Variants in PTPRD observed in about 807,000 individuals in gnomAD.
The protein encoded by PTPRD is receptor-type tyrosine-protein phosphatase delta.
PTPRD carries 34 observed loss-of-function variants against 214.5 expected under a neutral mutation model. The ratio of observed to expected loss-of-function variants is 0.16; its 90% CI spans 0.12 to 0.21. PTPRD has a LOEUF of 0.21. Ranked by LOEUF, PTPRD falls within the 10% of genes least tolerant of loss-of-function variation. The probability of loss-of-function intolerance (pLI) is 1.00; values close to 1 mark genes in which losing one functional copy is unlikely to be tolerated. For missense variants in PTPRD, 2,545 were observed against 2,398.7 expected (o/e 1.06, Z -1.27); for synonymous variants, 1,128 against 845.7 (o/e 1.33, Z -5.79).
rs71332736 is a variant in PTPRD, at chr9:10,338,940, C to CA, written c.-545+2022dup. 4.1e-3 allele frequency among the ~76,000 whole-genome samples: 584 copies of CA among 141,144 alleles called. 5 individuals carry two copies. The highest frequency in any genetic ancestry group is 0.013 in the African/African-American group (490 of 38,396). The allele number at this position is 141,144 out of a possible 152,430, so 92.6% of individuals were successfully genotyped here. ...CCTGGGGTCATAAATATAATGTAGA[C>CA]AAAAAAAAAAATTCCAACACAGAAG... On this transcript the variant is annotated intron_variant, in intron 3 of 45. Transcript: ENST00000381196.
chr9:9,466,262 T>C (rs1359179968), intron 8 of PTPRD, among the ~76,000 whole-genome samples: 1 of 152,166 alleles, frequency 6.6e-6, no homozygotes, highest in Non-Finnish European at 1.5e-5. Context: ...TGAGCTGTGA[T>C]TGTGTCACTC....
intron 11 of PTPRD, among the ~76,000 whole-genome samples, chr9:8,815,129 C>A (rs1410705872): frequency 6.8e-6 from 1 of 146,964 alleles, no homozygotes; most frequent in African/African-American, 2.5e-5. Flanking sequence ...TTCATTTTCT[C>A]TTCATTTTTA....
chr9:9,475,791 T>C (rs10816140), intron 8 of PTPRD, among the ~76,000 whole-genome samples: 11,523 of 152,256 alleles, frequency 0.076, 519 homozygotes, highest in Non-Finnish European at 0.1. Context: ...CTAAGTCTTG[T>C]GTGTGACTTG....
chr9:10,088,575 A>T (rs2098387259), intron 3 of PTPRD, among the ~76,000 whole-genome samples: 1 of 151,776 alleles, frequency 6.6e-6, no homozygotes, highest in South Asian at 2.1e-4. Context: ...GGTCCATTTC[A>T]TCTTCAGGAA....
At chr9:8,874,786 G>A (rs10977329) in intron 11 of PTPRD, among the ~76,000 whole-genome samples, 2 of 152,108 alleles carry the variant, frequency 1.3e-5, no homozygotes, top group Admixed American at 1.3e-4. Context: ...ATTGTGCAGA[G>A]CATGGCAAAT....
At chr9:9,022,488 G>A (rs906570357) in intron 10 of PTPRD, among the ~76,000 whole-genome samples, 4 of 152,094 alleles carry the variant, frequency 2.6e-5, no homozygotes, top group African/African-American at 9.7e-5. Flanking sequence ...GTTGCTTACA[G>A]TATTCAGCAC....
intron 3 of PTPRD, among the ~76,000 whole-genome samples, chr9:10,096,470 T>A (rs2098485760): frequency 6.6e-6 from 1 of 152,048 alleles, no homozygotes; most frequent in Non-Finnish European, 1.5e-5. Context: ...GGTTTTGATT[T>A]GCATTTCTCT....
intron 9 of PTPRD, among the ~76,000 whole-genome samples, chr9:9,330,426 G>T (rs964541494): frequency 1.3e-5 from 2 of 152,032 alleles, no homozygotes; most frequent in African/African-American, 4.8e-5. Flanking sequence ...AGTAACCTTT[G>T]GGATTTATAT....
chr9:9,624,588 G>A (rs1313777899), intron 7 of PTPRD, among the ~76,000 whole-genome samples: 3 of 151,792 alleles, frequency 2.0e-5, no homozygotes, highest in Non-Finnish European at 4.4e-5. Flanking sequence ...GTACCTGGCC[G>A]TATTTTGGTA....
chr9:9,625,314 C>G (rs563990168), intron 7 of PTPRD, among the ~76,000 whole-genome samples: 2 of 152,252 alleles, frequency 1.3e-5, no homozygotes, highest in Non-Finnish European at 2.9e-5. Flanking sequence ...ACAAGAAAGC[C>G]TATTGGCTGG....
intron 2 of PTPRD, chr9:10,532,118 G>C (rs1475314535): frequency 6.6e-6 from 1 of 152,086 alleles, no homozygotes; most frequent in Non-Finnish European, 1.5e-5. Flanking sequence ...TGTTGCAGAA[G>C]CTTATATATA....
chr9:8,432,513 TA>T (rs915150496), intron 35 of PTPRD, among the ~76,000 whole-genome samples: 3 of 151,482 alleles, frequency 2.0e-5, no homozygotes, highest in East Asian at 1.9e-4. Flanking sequence ...AGAATCAGAG[TA>T]AAAAAAAATT....
intron 5 of PTPRD, among the ~76,000 whole-genome samples, chr9:9,863,148 C>A (rs1157238493): frequency 6.6e-6 from 1 of 152,034 alleles, no homozygotes; most frequent in Non-Finnish European, 1.5e-5. Flanking sequence ...TGACAAATCT[C>A]TTCACTTGAA....
chr9:9,438,256 A>G (rs899251496), intron 8 of PTPRD, among the ~76,000 whole-genome samples: 3 of 152,218 alleles, frequency 2.0e-5, no homozygotes, highest in Non-Finnish European at 4.4e-5. Flanking sequence ...AAGTCAACCT[A>G]TAGCCAGTGC....
chr9:9,102,781 T>G (rs1569542396), intron 10 of PTPRD, among the ~76,000 whole-genome samples: 1 of 152,240 alleles, frequency 6.6e-6, no homozygotes, highest in Non-Finnish European at 1.5e-5. Context: ...ATTAAACTGG[T>G]AGAGATTTTT....
At chr9:9,959,375 C>G (rs914190647) in intron 4 of PTPRD, among the ~76,000 whole-genome samples, 1 of 152,040 alleles carries the variant, frequency 6.6e-6, no homozygotes. Flanking sequence ...GCACAGAGGA[C>G]TTTTAGAACA....
intron 3 of PTPRD, among the ~76,000 whole-genome samples, chr9:10,325,949 GAAAC>G (rs1362045287): frequency 2.0e-5 from 3 of 151,746 alleles, no homozygotes; most frequent in African/African-American, 4.8e-5. Flanking sequence ...GTAACAAACA[GAAAC>G]TGCTTTCAGA....
At chr9:10,041,744 A>T (rs1314581827) in intron 3 of PTPRD, among the ~76,000 whole-genome samples, 3 of 152,040 alleles carry the variant, frequency 2.0e-5, no homozygotes, top group African/African-American at 7.2e-5. Flanking sequence ...AAAATGATTA[A>T]GCACTTTTAC....
At chr9:9,305,558 C>T (rs1465452174) in intron 9 of PTPRD, among the ~76,000 whole-genome samples, 2 of 152,072 alleles carry the variant, frequency 1.3e-5, no homozygotes, top group Non-Finnish European at 2.9e-5. Context: ...AATAGCGCCT[C>T]TCTCTTCTGT....
Sources: allele counts gnomAD v4.1 joint callset (sites outside exome capture counted in the v4.1 genomes callset), GRCh38; gene constraint gnomAD v4.1.1; transcripts MANE v1.5; gene names NCBI Gene and HGNC (gene_info 2026-07-23, HGNC 2026-07-21).